The following NDUFAF2 variants were observed in gnomAD, a reference collection of about 807,000 sequenced individuals.
NDUFAF2 encodes the protein NADH dehydrogenase [ubiquinone] 1 alpha subcomplex assembly factor 2.
Under a neutral mutation model 22.8 loss-of-function variants are expected in NDUFAF2, and 13 were observed. The observed-to-expected ratio is 0.57, with a 90% CI of 0.37 to 0.91. The LOEUF (loss-of-function observed/expected upper bound fraction) is 0.91. Ranked by LOEUF, NDUFAF2 falls within the 40% of genes least tolerant of loss-of-function variation. NDUFAF2 has a pLI of 0.01. For synonymous variants in NDUFAF2, 53 were observed against 64.2 expected, an observed-to-expected ratio of 0.83 and a Z score of 0.84; for missense variants, 162 against 195.2, an observed-to-expected ratio of 0.83 and a Z score of 1.01.
Position 60,971,939 on chromosome 5 carries a change from C to CT in NDUFAF2, c.127+26576dup, listed in dbSNP as rs1193853669. Among the ~76,000 whole-genome samples the CT allele has an allele frequency of 7.6e-3, 1,048 of 137,486 alleles. 16 individuals are homozygous for CT. Among genetic ancestry groups the CT allele is most frequent in the African/African-American group, 0.019 (690 of 37,194 alleles). 90.2% of individuals were successfully genotyped at this position (137,486 alleles called of 152,430 possible). A position where few individuals can be genotyped will look rare whatever the true frequency, so the allele number is the denominator to read the frequency against. On this transcript the variant is annotated intron_variant, in intron 1 of 3. Coordinates refer to ENST00000296597, the MANE Select transcript of NDUFAF2 (RefSeq NM_174889.5). ...TTGCCCATTCTTTTTGCCCCCCTCC[C>CT]TTTTTTTTTTTTTTTTTTTCTGAGA...
chr5:61,147,374 G>T (rs895195712), intron 3 of NDUFAF2, among the ~76,000 whole-genome samples: 1 of 149,026 alleles, frequency 6.7e-6, no homozygotes, highest in Admixed American at 6.7e-5. Context: ...TCAGCCTCCC[G>T]AGTAGCTGGG....
At chr5:61,131,518 G>A (rs1026615131) in intron 3 of NDUFAF2, among the ~76,000 whole-genome samples, 2 of 152,074 alleles carry the variant, frequency 1.3e-5, no homozygotes, top group African/African-American at 4.8e-5. Flanking sequence ...AGAATGAATG[G>A]CAAATGTATA....
chr5:60,984,286 G>A (rs1474669358), intron 1 of NDUFAF2, among the ~76,000 whole-genome samples: 1 of 151,548 alleles, frequency 6.6e-6, no homozygotes, highest in Non-Finnish European at 1.5e-5. Context: ...ATCAGCTTAA[G>A]GAGATTTTGA....
At chr5:61,039,752 TA>T (rs1410130930) in intron 1 of NDUFAF2, among the ~76,000 whole-genome samples, 2 of 152,172 alleles carry the variant, frequency 1.3e-5, no homozygotes, top group Non-Finnish European at 2.9e-5. Context: ...GTAAGAACCA[TA>T]GCATCTCATT....
intron 1 of NDUFAF2, among the ~76,000 whole-genome samples, chr5:60,983,577 A>G (rs1328400290): frequency 3.2e-4 from 48 of 150,186 alleles, no homozygotes; most frequent in African/African-American, 1.1e-3. Flanking sequence ...TAATTTTTGT[A>G]TAAGGTGTAA....
At chr5:61,048,941 A>T (rs561981238) in intron 1 of NDUFAF2, among the ~76,000 whole-genome samples, 1 of 152,242 alleles carries the variant, frequency 6.6e-6, no homozygotes, top group Admixed American at 6.5e-5. Flanking sequence ...CTGCGTGGTT[A>T]TGTCTCGTTG....
intron 1 of NDUFAF2, among the ~76,000 whole-genome samples, chr5:61,015,366 C>G (rs1432418629): frequency 6.6e-6 from 1 of 152,166 alleles, no homozygotes; most frequent in Non-Finnish European, 1.5e-5. Flanking sequence ...ACTGCAACCT[C>G]TGCCTCCTGG....
chr5:61,046,027 A>C (rs1751950355), intron 1 of NDUFAF2, among the ~76,000 whole-genome samples: 1 of 152,158 alleles, frequency 6.6e-6, no homozygotes, highest in Non-Finnish European at 1.5e-5. Context: ...TCGTGAAAGC[A>C]TGTTGAATTG....
chr5:60,991,339 TTTAAG>T (rs1202273719), intron 1 of NDUFAF2, among the ~76,000 whole-genome samples: 1 of 152,120 alleles, frequency 6.6e-6, no homozygotes, highest in Non-Finnish European at 1.5e-5. Flanking sequence ...AATTACATTC[TTTAAG>T]TTATTTAAAA....
chr5:61,129,455 T>C (rs1409303113), intron 3 of NDUFAF2, among the ~76,000 whole-genome samples: 1 of 152,088 alleles, frequency 6.6e-6, no homozygotes, highest in Admixed American at 6.5e-5. Flanking sequence ...TGGAATACTA[T>C]GCAGCCATAA....
intron 1 of NDUFAF2, among the ~76,000 whole-genome samples, chr5:60,945,609 C>G (rs1007457910): frequency 1.3e-5 from 2 of 152,248 alleles, no homozygotes; most frequent in Non-Finnish European, 2.9e-5. Context: ...TCCGCGGTCC[C>G]TACTACCCAG....
intron 1 of NDUFAF2, among the ~76,000 whole-genome samples, chr5:61,000,686 C>T (rs1199307874): frequency 1.3e-5 from 2 of 151,980 alleles, no homozygotes; most frequent in African/African-American, 4.8e-5. Context: ...TGCCTTTTGC[C>T]CTGTAGATGA....
chr5:61,067,407 G>T (rs549299999), intron 1 of NDUFAF2, among the ~76,000 whole-genome samples: 2 of 151,174 alleles, frequency 1.3e-5, no homozygotes, highest in Non-Finnish European at 2.9e-5. Flanking sequence ...AGAACATGTG[G>T]TGTTTGGTTT....
intron 1 of NDUFAF2, among the ~76,000 whole-genome samples, chr5:61,059,463 T>C (rs1425824311): frequency 1.3e-5 from 2 of 152,110 alleles, no homozygotes; most frequent in Non-Finnish European, 2.9e-5. Flanking sequence ...AAACGTAATA[T>C]TGGTGTGCTA....
intron 2 of NDUFAF2, among the ~76,000 whole-genome samples, chr5:61,095,408 C>T (rs1265365275): frequency 6.6e-6 from 1 of 152,194 alleles, no homozygotes; most frequent in Non-Finnish European, 1.5e-5. Context: ...GGGGGCGACA[C>T]TGTTGCCAGT....
chr5:61,059,793 T>C (rs544507945), intron 1 of NDUFAF2, among the ~76,000 whole-genome samples: 1 of 152,218 alleles, frequency 6.6e-6, no homozygotes, highest in Admixed American at 6.6e-5. Flanking sequence ...TTAAAAATAT[T>C]ATCTGTGGAG....
chr5:61,101,024 C>T lies in NDUFAF2; in HGVS notation c.258+1992C>T, dbSNP rs78866441. Among the ~76,000 whole-genome samples the T allele has an allele frequency of 7.1e-3, 1,077 of 152,232 alleles. 48 individuals carry two copies. The East Asian group carries it at 0.099, about 14-fold the overall frequency. On this transcript the variant is annotated intron_variant, in intron 3 of 3. Transcript: ENST00000296597. ...TAGTATCCCTGCCTCAAGTGAACAA[C>T]CACTTCATTAGGCACACTTTAGTTT...
At chr5:61,057,523 A>T (rs1752114412) in intron 1 of NDUFAF2, among the ~76,000 whole-genome samples, 1 of 152,206 alleles carries the variant, frequency 6.6e-6, no homozygotes. Flanking sequence ...TCAGAAGTAC[A>T]GTACTTGGTC....
At chr5:61,004,388 A>C (rs1055894930) in intron 1 of NDUFAF2, among the ~76,000 whole-genome samples, 7 of 152,110 alleles carry the variant, frequency 4.6e-5, no homozygotes, top group African/African-American at 1.7e-4. Context: ...TTAATAATAC[A>C]AGAGTCTGAT....
Sources: gnomAD v4.1 joint callset for allele counts (sites outside exome capture counted in the v4.1 genomes callset) on GRCh38, gnomAD v4.1.1 for gene constraint, MANE v1.5 for transcripts, NCBI Gene and HGNC (gene_info 2026-07-23, HGNC 2026-07-21) for gene names.